Variants in SLC6A11 observed in about 807,000 individuals in gnomAD.
SLC6A11 encodes sodium- and chloride-dependent GABA transporter 3.
In SLC6A11, 25 loss-of-function variants were observed where a neutral mutation model predicts 74.8. That is an observed-to-expected ratio of 0.33 (90% CI 0.24 to 0.47). The LOEUF (loss-of-function observed/expected upper bound fraction) is 0.47, where lower values mean the gene tolerates loss of function less well. Ranked by LOEUF, SLC6A11 falls within the 20% of genes least tolerant of loss-of-function variation. The pLI, the probability that SLC6A11 is intolerant of heterozygous loss-of-function variation, is 1.00. For synonymous variants in SLC6A11, 330 were observed against 330.2 expected, an observed-to-expected ratio of 1.00 and a Z score of 0.01; for missense variants, 574 against 837.0, an observed-to-expected ratio of 0.69 and a Z score of 3.88.
intron 6 of SLC6A11, among the ~76,000 whole-genome samples, chr3:10,886,239 A>G (rs1695040919): frequency 6.6e-6 from 1 of 152,212 alleles, no homozygotes; most frequent in Non-Finnish European, 1.5e-5. Flanking sequence ...TGGTGTGACC[A>G]GAAGCAGAGA....
chr3:10,925,094 T>A (rs752296940), intron 8 of SLC6A11, among the ~76,000 whole-genome samples: 7 of 152,214 alleles, frequency 4.6e-5, no homozygotes, highest in Non-Finnish European at 7.4e-5. Context: ...AAGGGGCCAA[T>A]GGCAGTGTTC....
chr3:10,822,870 A>G (rs1344417482), intron 3 of SLC6A11, among the ~76,000 whole-genome samples: 2 of 152,166 alleles, frequency 1.3e-5, no homozygotes, highest in African/African-American at 4.8e-5. Context: ...CCCTTTACAC[A>G]TAAAGTAAAA....
chr3:10,897,114 A>G lies in SLC6A11; in HGVS notation c.892-14976A>G, dbSNP rs111515031. Among the ~76,000 whole-genome samples the G allele has an allele frequency of 7.7e-3, 1,174 of 152,290 alleles. 18 individuals carry two copies. The highest frequency in any genetic ancestry group is 0.027 in the African/African-American group (1,107 of 41,568). Reference sequence around the variant, plus strand: ...ACTTATTCACTACCATGAGAACAGTATGGGGGAACTGCCCCCATGATTCAA... The same window carrying G: ...ACTTATTCACTACCATGAGAACAGTGTGGGGGAACTGCCCCCATGATTCAA... On this transcript the variant is annotated intron_variant, in intron 6 of 13. Transcript: ENST00000254488.
intron 5 of SLC6A11, among the ~76,000 whole-genome samples, chr3:10,870,219 T>G (rs146284211): frequency 2.0e-4 from 30 of 152,236 alleles, no homozygotes; most frequent in African/African-American, 7.0e-4. Context: ...TGTGTGACCC[T>G]CATTGTGTGG....
In SLC6A11 at chr3:10,837,204, A is replaced by G. The variant is rs944599280; in HGVS notation, c.624-7010A>G. On this transcript the variant is annotated intron_variant, in intron 4 of 13. Coordinates refer to ENST00000254488, the MANE Select transcript of SLC6A11 (RefSeq NM_014229.3). ...GGGGAGAATTGGGAAGGATGTTCCC[A>G]GCCGAGGGAATCACAGGAGTGAATT... is the stretch of plus-strand genomic sequence containing the variant. Among the ~76,000 whole-genome samples the G allele has an allele frequency of 1.8e-4, 28 of 152,352 alleles. No homozygotes were observed. The Middle Eastern group carries it at 0.01, about 56-fold the overall frequency.
At chr3:10,846,696 C>T (rs1694507328) in intron 5 of SLC6A11, among the ~76,000 whole-genome samples, 1 of 152,148 alleles carries the variant, frequency 6.6e-6, no homozygotes, top group African/African-American at 2.4e-5. Flanking sequence ...ATGGGGAAGG[C>T]AAGGGAGTGA....
At chr3:10,894,723 A>G (rs1451298483) in intron 6 of SLC6A11, among the ~76,000 whole-genome samples, 1 of 152,212 alleles carries the variant, frequency 6.6e-6, no homozygotes, top group Non-Finnish European at 1.5e-5. Context: ...ATCGTACAGC[A>G]TGGTGACATA....
At chr3:10,888,860 T>G (rs1375901815) in intron 6 of SLC6A11, among the ~76,000 whole-genome samples, 2 of 152,230 alleles carry the variant, frequency 1.3e-5, no homozygotes, top group Non-Finnish European at 2.9e-5. Context: ...ACCTACTGTA[T>G]GCCAGGCATG....
chr3:10,912,128 T>C lies in SLC6A11; in HGVS notation c.930T>C (p.Tyr310=), dbSNP rs755570418. The change falls in exon 7 of 14, where the codon TAT becomes TAC. Residue 310 remains tyrosine (Y), a synonymous_variant. Coordinates refer to ENST00000254488, the MANE Select transcript of SLC6A11 (RefSeq NM_014229.3). The part of the protein sequence containing the change: ...VDAGTQIFFS[Y]AICLGCLTAL... ...CTGGAACGCAGATCTTTTTCTCCTATGCCATTTGCCTGGGCTGTCTGACCG... is the reference window on the plus strand; with the variant it reads ...CTGGAACGCAGATCTTTTTCTCCTACGCCATTTGCCTGGGCTGTCTGACCG... The C allele has an allele frequency of 6.2e-6, 10 of 1,614,080 alleles. No homozygotes were observed. In the East Asian group the frequency reaches 1.8e-4, roughly 29 times the overall value.
chr3:10,849,999 G>T (rs2106589034), intron 5 of SLC6A11, among the ~76,000 whole-genome samples: 1 of 152,004 alleles, frequency 6.6e-6, no homozygotes, highest in South Asian at 2.1e-4. Flanking sequence ...ATTATCCCTG[G>T]ATGTTTTTGT....
chr3:10,828,454 G>T (rs942803038), intron 4 of SLC6A11, among the ~76,000 whole-genome samples: 6 of 152,194 alleles, frequency 3.9e-5, no homozygotes, highest in Admixed American at 3.3e-4. Flanking sequence ...CTTTGGACAT[G>T]AGATTTGGGA....
intron 4 of SLC6A11, among the ~76,000 whole-genome samples, chr3:10,841,102 A>AC (rs1694431700): frequency 6.6e-6 from 1 of 152,168 alleles, no homozygotes; most frequent in South Asian, 2.1e-4. Context: ...AGGGCCTGGC[A>AC]CATAGTAGGT....
intron 5 of SLC6A11, among the ~76,000 whole-genome samples, chr3:10,852,452 C>T (rs890991352): frequency 6.6e-5 from 10 of 152,214 alleles, no homozygotes; most frequent in African/African-American, 2.2e-4. Context: ...TCACCTTTAG[C>T]GGGAACCCTG....
chr3:10,937,007 G>C (rs1038735929), intron 13 of SLC6A11, among the ~76,000 whole-genome samples: 4 of 152,114 alleles, frequency 2.6e-5, no homozygotes, highest in African/African-American at 9.7e-5. Flanking sequence ...CCTTGTGCCA[G>C]GTAGTCCACA....
chr3:10,919,278 A>G (rs1234676119), intron 8 of SLC6A11, among the ~76,000 whole-genome samples: 1 of 152,224 alleles, frequency 6.6e-6, no homozygotes, highest in Non-Finnish European at 1.5e-5. Flanking sequence ...AATTAAGTGC[A>G]TATGAAAAAG....
chr3:10,896,389 C>A (rs563319666), intron 6 of SLC6A11, among the ~76,000 whole-genome samples: 31 of 152,226 alleles, frequency 2.0e-4, no homozygotes, highest in Non-Finnish European at 4.3e-4. Flanking sequence ...ACTCTACAAA[C>A]CTAGTCTCAT....
Position 10,823,607 on chromosome 3 carries a change from A to G in SLC6A11, c.623+215A>G, listed in dbSNP as rs140250842. 4.2e-3 allele frequency: 2,206 copies of G among 521,906 alleles called. 43 individuals carry two copies. The highest frequency in any genetic ancestry group is 0.037 in the African/African-American group (1,968 of 52,574). 32.3% of individuals were successfully genotyped at this position (521,906 alleles called of 1,614,324 possible). On this transcript the variant is annotated intron_variant, in intron 4 of 13. Transcript: ENST00000254488. ...GAGAGAAATGTTTTCTTGTTCTTTG[A>G]TAACATGTCAGCATGCATAGTGGGT...
intron 3 of SLC6A11, 152 bp from the exon 4 acceptor site, chr3:10,823,150 A>G: frequency 1.6e-6 from 1 of 623,238 alleles, no homozygotes; most frequent in South Asian, 1.8e-5. Flanking sequence ...ACTGTTTGTA[A>G]AGTATTGATT....
At chr3:10,849,749 G>C (rs2106588748) in intron 5 of SLC6A11, among the ~76,000 whole-genome samples, 1 of 124,606 alleles carries the variant, frequency 8.0e-6, no homozygotes. Context: ...CAATATTAGG[G>C]TTTTGTGATA....
Sources: allele counts gnomAD v4.1 joint callset (sites outside exome capture counted in the v4.1 genomes callset), GRCh38; gene constraint gnomAD v4.1.1; transcripts MANE v1.5; gene names NCBI Gene and HGNC (gene_info 2026-07-23, HGNC 2026-07-21).